ZNF804B: variants seen among roughly 807,000 people sequenced by gnomAD.
ZNF804B encodes the protein zinc finger protein 804B.
In ZNF804B, 80 loss-of-function variants were observed where a neutral mutation model predicts 101.4. That is an observed-to-expected ratio of 0.79 (90% CI 0.66 to 0.95). ZNF804B has a LOEUF of 0.95. Among genes scored for constraint, ZNF804B ranks in the 40% least tolerant of loss-of-function variants. The pLI is 0.00. For synonymous variants in ZNF804B, 622 were observed against 558.8 expected (o/e 1.11, Z -1.59); for missense variants, 1,673 against 1,561.9 (o/e 1.07, Z -1.20).
intron 3 of ZNF804B, among the ~76,000 whole-genome samples, chr7:89,329,265 T>C (rs1006489197): frequency 1.3e-5 from 2 of 151,180 alleles, no homozygotes; most frequent in Non-Finnish European, 3.0e-5. Context: ...AGGAAAATAA[T>C]TTTTTTTTAT....
intron 2 of ZNF804B, among the ~76,000 whole-genome samples, chr7:89,261,101 C>T (rs1427699108): frequency 6.6e-6 from 1 of 152,100 alleles, no homozygotes; most frequent in Non-Finnish European, 1.5e-5. Context: ...GCAATAGCAA[C>T]AGGAGGTGAC....
chr7:88,944,648 TTTACATAGTATTAGG>T (rs1263543031), intron 1 of ZNF804B, among the ~76,000 whole-genome samples: 1 of 151,772 alleles, frequency 6.6e-6, no homozygotes, highest in African/African-American at 2.4e-5. Flanking sequence ...TTACATAGTA[TTTACATAGTATTAGG>T]TAATAAAAGT....
At chr7:88,859,356 A>G (rs1583981101) in intron 1 of ZNF804B, among the ~76,000 whole-genome samples, 1 of 152,124 alleles carries the variant, frequency 6.6e-6, no homozygotes, top group East Asian at 1.9e-4. Context: ...TCTGTTTTAC[A>G]AAAACTGATA....
At chr7:88,902,037 A>G (rs1044732802) in intron 1 of ZNF804B, among the ~76,000 whole-genome samples, 2 of 151,922 alleles carry the variant, frequency 1.3e-5, no homozygotes, top group Non-Finnish European at 2.9e-5. Flanking sequence ...AAACTTAGAT[A>G]TTCTAACTTT....
At chr7:89,017,898 G>A (rs979803218) in intron 1 of ZNF804B, among the ~76,000 whole-genome samples, 1 of 151,970 alleles carries the variant, frequency 6.6e-6, no homozygotes, top group African/African-American at 2.4e-5. Flanking sequence ...CTGTTCATTA[G>A]TTCTAAAAGT....
chr7:89,159,246 C>T (rs1791022018), intron 1 of ZNF804B, among the ~76,000 whole-genome samples: 1 of 152,160 alleles, frequency 6.6e-6, no homozygotes, highest in African/African-American at 2.4e-5. Context: ...GCCCTACTCT[C>T]CATCCTAAAT....
intron 1 of ZNF804B, among the ~76,000 whole-genome samples, chr7:88,970,399 C>T (rs926209305): frequency 4.0e-5 from 6 of 149,428 alleles, no homozygotes; most frequent in Non-Finnish European, 8.9e-5. Context: ...TTTGTCTATG[C>T]CTCTGGATCA....
chr7:89,327,391 T>C lies in ZNF804B; in HGVS notation c.297T>C (p.Ser99=). The change falls in exon 3 of 4, where the codon TCT becomes TCC. Residue 99 remains serine (S), a synonymous_variant. Coordinates refer to ENST00000333190, the MANE Select transcript of ZNF804B (RefSeq NM_181646.5). ...GGGAATTTGCTCGAAATGTAGCTTC[T>C]AAGTCATGGAAAGATGAGAAAAAAC... ...KQREFARNVA[S]KSWKDEKKQE... is the part of the protein sequence containing the mutation. The C allele has an allele frequency of 6.2e-7, 1 of 1,610,852 alleles. No homozygotes were observed. The highest frequency in any genetic ancestry group is 8.5e-7 in the Non-Finnish European group (1 of 1,178,344).
intron 1 of ZNF804B, among the ~76,000 whole-genome samples, chr7:89,079,684 G>A (rs1040662277): frequency 6.6e-6 from 1 of 151,990 alleles, no homozygotes; most frequent in Non-Finnish European, 1.5e-5. Context: ...AAACAACATA[G>A]GAGACAAGAA....
intron 1 of ZNF804B, among the ~76,000 whole-genome samples, chr7:88,967,727 A>C (rs1307873988): frequency 1.3e-5 from 2 of 151,394 alleles, no homozygotes; most frequent in East Asian, 2.0e-4. Flanking sequence ...AAAAAAAAAA[A>C]AAAAAAAAAA....
rs757538250 is a variant in ZNF804B at position 88,910,895 on chromosome 7, C to G, written c.108+150811C>G. Among the ~76,000 whole-genome samples the G allele has an allele frequency of 3.9e-5, 6 of 151,990 alleles. No individual in the cohort carries two copies. In the South Asian group the frequency reaches 1.0e-3, roughly 26 times the overall value. On this transcript the variant is annotated intron_variant, in intron 1 of 3. Transcript: ENST00000333190. ...AAGCCTTTCTGCATGCCAGAGTATG[C>G]AGGTGCCATAAGAGCTAAAAAGTTT...
At chr7:88,916,051 G>A (rs528631804) in intron 1 of ZNF804B, among the ~76,000 whole-genome samples, 2 of 151,664 alleles carry the variant, frequency 1.3e-5, no homozygotes, top group South Asian at 2.1e-4. Context: ...TGTATCTGTG[G>A]GCTTAAAAAA....
intron 1 of ZNF804B, among the ~76,000 whole-genome samples, chr7:88,861,530 C>G (rs1470385388): frequency 6.6e-6 from 1 of 152,154 alleles, no homozygotes; most frequent in African/African-American, 2.4e-5. Context: ...TTATCCTCAG[C>G]AGAAATGGGA....
chr7:89,103,048 GTTTTTTTTTTTTTTTT>G (rs56693128), intron 1 of ZNF804B, among the ~76,000 whole-genome samples: 14 of 33,750 alleles, frequency 4.1e-4, no homozygotes, highest in East Asian at 3.0e-3. Context: ...CTATGTGTCT[GTTTTTTTTTTTTTTTT>G]TTTTTTTTTT....
chr7:88,854,410 TCTTC>T lies in ZNF804B; in HGVS notation c.108+94330_108+94333del, dbSNP rs1438172000. On this transcript the variant is annotated intron_variant, in intron 1 of 3. Transcript: ENST00000333190. ...GCATTTCTTTCTTTCTTTCTTTCTT[TCTTC>T]CTTTCTTTCTTTCTTTCTTTCTTTC... Among the ~76,000 whole-genome samples the T allele has an allele frequency of 3.3e-3, 437 of 132,516 alleles. 10 individuals carry two copies. The highest frequency in any genetic ancestry group is 6.7e-3 in the African/African-American group (221 of 32,794). The allele number at this position is 132,516 out of a possible 152,430, so 86.9% of individuals were successfully genotyped here. A position where few individuals can be genotyped will look rare whatever the true frequency, so the allele number is the denominator to read the frequency against.
intron 1 of ZNF804B, among the ~76,000 whole-genome samples, chr7:88,825,763 C>T (rs920055759): frequency 3.3e-5 from 5 of 152,106 alleles, no homozygotes; most frequent in African/African-American, 1.2e-4. Context: ...GAAAATTTTG[C>T]TCAGTTCCAT....
intron 2 of ZNF804B, among the ~76,000 whole-genome samples, chr7:89,286,114 A>G (rs1171997691): frequency 6.6e-6 from 1 of 152,200 alleles, no homozygotes; most frequent in Admixed American, 6.5e-5. Context: ...CTGGCTTCCC[A>G]GAATCCCATG....
At chr7:89,071,242 C>T (rs1186371286) in intron 1 of ZNF804B, among the ~76,000 whole-genome samples, 3 of 152,096 alleles carry the variant, frequency 2.0e-5, no homozygotes, top group Non-Finnish European at 2.9e-5. Context: ...GTGGAACCCA[C>T]TCAATTCAAG....
intron 1 of ZNF804B, among the ~76,000 whole-genome samples, chr7:89,121,351 T>C (rs1790403696): frequency 6.7e-6 from 1 of 149,968 alleles, no homozygotes; most frequent in Admixed American, 6.7e-5. Flanking sequence ...GTCTCTAGTA[T>C]GGTGAAATAC....
Sources: gnomAD v4.1 joint callset for allele counts (sites outside exome capture counted in the v4.1 genomes callset) on GRCh38, gnomAD v4.1.1 for gene constraint, MANE v1.5 for transcripts, NCBI Gene and HGNC (gene_info 2026-07-23, HGNC 2026-07-21) for gene names.